Variants in INPP4B observed in about 807,000 individuals in gnomAD.
The protein encoded by INPP4B is inositol polyphosphate-4-phosphatase type II B.
INPP4B carries 55 observed loss-of-function variants against 122.5 expected under a neutral mutation model. The observed-to-expected ratio is 0.45, with a 90% CI of 0.36 to 0.56. The LOEUF (loss-of-function observed/expected upper bound fraction) is 0.56, where lower values mean the gene tolerates loss of function less well. Ranked by LOEUF, INPP4B falls within the 20% of genes least tolerant of loss-of-function variation. The pLI is 0.00. For synonymous variants in INPP4B, 403 were observed against 388.7 expected (o/e 1.04, Z -0.43); for missense variants, 1,000 against 1,097.7 (o/e 0.91, Z 1.26).
intron 23 of INPP4B, among the ~76,000 whole-genome samples, chr4:142,103,364 A>T (rs1269632739): frequency 6.6e-6 from 1 of 152,036 alleles, no homozygotes; most frequent in African/African-American, 2.4e-5. Context: ...TATTCAAATA[A>T]TTCCCTTGAA....
At chr4:142,409,206 G>C (rs927047758) in intron 5 of INPP4B, among the ~76,000 whole-genome samples, 1 of 152,056 alleles carries the variant, frequency 6.6e-6, no homozygotes, top group African/African-American at 2.4e-5. Context: ...AAAATAAATG[G>C]AGGGGGCCAC....
rs553780875 is a variant in INPP4B at position 142,478,619 on chromosome 4, G to T, written c.-190-15893C>A. 1.7e-3 allele frequency among the ~76,000 whole-genome samples: 256 copies of T among 152,088 alleles called. 1 individual carries two copies. The highest frequency in any genetic ancestry group is 4.4e-3 in the South Asian group (21 of 4,766). On this transcript the variant is annotated intron_variant, in intron 2 of 25. Transcript: ENST00000262992. ...GATTTCTATATGTTAAATCAAACTT[G>T]CATCCCAGAGATAAAGCCTACTTGA...
intron 2 of INPP4B, among the ~76,000 whole-genome samples, chr4:142,612,749 A>T (rs1742840438): frequency 6.6e-6 from 1 of 152,122 alleles, no homozygotes; most frequent in South Asian, 2.1e-4. Context: ...CTCCACCCTC[A>T]TGACCTAATC....
chr4:142,537,455 G>T (rs1475774752), intron 2 of INPP4B, among the ~76,000 whole-genome samples: 1 of 119,208 alleles, frequency 8.4e-6, no homozygotes, highest in East Asian at 5.2e-4. Flanking sequence ...GAGAGAGAGA[G>T]AGAGAGAGAG....
intron 9 of INPP4B, among the ~76,000 whole-genome samples, chr4:142,286,432 T>C (rs1231330259): frequency 2.0e-5 from 3 of 152,236 alleles, no homozygotes; most frequent in Non-Finnish European, 4.4e-5. Flanking sequence ...CTAAAAGTTA[T>C]AGAATTAAAA....
intron 1 of INPP4B, among the ~76,000 whole-genome samples, chr4:142,810,864 G>C (rs1170653824): frequency 3.3e-5 from 5 of 152,146 alleles, no homozygotes; most frequent in Admixed American, 3.3e-4. Context: ...CCTCTTGTCT[G>C]AAAGAAAAGT....
At chr4:142,368,090 T>A (rs1788258049) in intron 7 of INPP4B, among the ~76,000 whole-genome samples, 1 of 152,082 alleles carries the variant, frequency 6.6e-6, no homozygotes, top group South Asian at 2.1e-4. Flanking sequence ...CTCTCCAAGA[T>A]CAAATAATAG....
rs115011454 is a variant in INPP4B at position 142,436,515 on chromosome 4, G to A, written c.-126-5130C>T. Among the ~76,000 whole-genome samples, 982 of 152,154 alleles carry A rather than the reference G, an allele frequency of 6.5e-3. 14 individuals are homozygous for A. The highest frequency in any genetic ancestry group is 0.022 in the African/African-American group (915 of 41,504). ...GGAGCATTCCTACTAGCATCAGATC[G>A]GTGCCTCTTGAGGTCTGAGATACCA... On this transcript the variant is annotated intron_variant, in intron 3 of 25. Coordinates refer to ENST00000262992, the MANE Select transcript of INPP4B (RefSeq NM_001101669.3).
intron 2 of INPP4B, among the ~76,000 whole-genome samples, chr4:142,674,902 G>A (rs529484927): frequency 1.3e-5 from 2 of 152,246 alleles, no homozygotes; most frequent in African/African-American, 4.8e-5. Context: ...ACAAGAGAAA[G>A]CAGGAAAGAT....
intron 2 of INPP4B, among the ~76,000 whole-genome samples, chr4:142,696,481 T>G (rs2150742335): frequency 6.6e-6 from 1 of 152,340 alleles, no homozygotes; most frequent in Middle Eastern, 3.4e-3. Flanking sequence ...GCTGTAATTC[T>G]GTGGTACAGA....
chr4:142,346,673 T>C (rs1205468160), intron 7 of INPP4B, among the ~76,000 whole-genome samples: 20 of 151,994 alleles, frequency 1.3e-4, no homozygotes, highest in Admixed American at 1.3e-3. Flanking sequence ...CTAAATGCAA[T>C]TATGGCTCTA....
intron 1 of INPP4B, among the ~76,000 whole-genome samples, chr4:142,838,005 C>T (rs1482043011): frequency 1.3e-5 from 2 of 150,422 alleles, no homozygotes; most frequent in Non-Finnish European, 3.0e-5. Flanking sequence ...AAAAGCTAGA[C>T]AAGTGCTTAC....
At chr4:142,084,188 A>AT (rs2152537953) in intron 24 of INPP4B, among the ~76,000 whole-genome samples, 1 of 152,208 alleles carries the variant, frequency 6.6e-6, no homozygotes, top group African/African-American at 2.4e-5. Context: ...CTGTGGCTCA[A>AT]TTTCAGCTCA....
intron 15 of INPP4B, among the ~76,000 whole-genome samples, chr4:142,186,525 T>C (rs2152994609): frequency 6.6e-6 from 1 of 152,376 alleles, no homozygotes; most frequent in East Asian, 1.9e-4. Flanking sequence ...TCAACATTTG[T>C]GTTTGTGGGC....
At chr4:142,513,874 T>C (rs571144104) in intron 2 of INPP4B, among the ~76,000 whole-genome samples, 2 of 152,196 alleles carry the variant, frequency 1.3e-5, no homozygotes, top group Admixed American at 6.6e-5. Context: ...AGCAACAAGA[T>C]GCCTGCTTTG....
intron 1 of INPP4B, among the ~76,000 whole-genome samples, chr4:142,806,278 C>CA (rs1175185594): frequency 0.056 from 3,003 of 53,456 alleles, 419 homozygotes; most frequent in African/African-American, 0.065. Context: ...GACTCCGTCT[C>CA]AAAAAAAAAA....
intron 2 of INPP4B, among the ~76,000 whole-genome samples, chr4:142,504,772 G>A (rs75429757): frequency 0.033 from 5,027 of 152,138 alleles, 309 homozygotes; most frequent in African/African-American, 0.12. Flanking sequence ...TCACCTATAT[G>A]TGCAATGTAA....
chr4:142,130,624 T>G (rs1800795796), intron 18 of INPP4B, among the ~76,000 whole-genome samples: 1 of 152,164 alleles, frequency 6.6e-6, no homozygotes, highest in Non-Finnish European at 1.5e-5. Context: ...GAATGTACTT[T>G]CCCTTGCCTC....
chr4:142,206,226 C>T (rs1842528820), intron 14 of INPP4B, among the ~76,000 whole-genome samples: 1 of 152,010 alleles, frequency 6.6e-6, no homozygotes, highest in Admixed American at 6.6e-5. Flanking sequence ...GATCCAAATG[C>T]CTCCCCTTAG....
Sources: gnomAD v4.1 joint callset for allele counts (sites outside exome capture counted in the v4.1 genomes callset) on GRCh38, gnomAD v4.1.1 for gene constraint, MANE v1.5 for transcripts, NCBI Gene and HGNC (gene_info 2026-07-23, HGNC 2026-07-21) for gene names.